DPH7: variants seen among roughly 807,000 people sequenced by gnomAD.
DPH7 encodes the protein diphthine methyltransferase.
Under a neutral mutation model 41.7 loss-of-function variants are expected in DPH7, and 44 were observed. The ratio of observed to expected loss-of-function variants is 1.05; its 90% CI spans 0.83 to 1.36. DPH7 has a LOEUF of 1.36. Ranked by LOEUF, DPH7 falls within the 40% of genes most tolerant of loss-of-function variation. The probability of loss-of-function intolerance (pLI) is 0.00; values close to 1 mark genes in which losing one functional copy is unlikely to be tolerated. For synonymous variants in DPH7, 275 were observed against 238.0 expected, an observed-to-expected ratio of 1.16 and a Z score of -1.43; for missense variants, 629 against 577.5, an observed-to-expected ratio of 1.09 and a Z score of -0.91.
At chr9:137,562,296 G>A (rs948292515) in intron 8 of DPH7, among the ~76,000 whole-genome samples, 4 of 152,152 alleles carry the variant, frequency 2.6e-5, no homozygotes, top group Non-Finnish European at 5.9e-5. Flanking sequence ...ACGTCCGCAA[G>A]TGCACAGGGG....
At chr9:137,570,039 A>G (rs1840153521) in intron 5 of DPH7, among the ~76,000 whole-genome samples, 1 of 147,340 alleles carries the variant, frequency 6.8e-6, no homozygotes, top group South Asian at 2.2e-4. Flanking sequence ...CCATCCAAAA[A>G]TCCACCATCC....
At chr9:137,559,310 G>A (rs1838092511) in intron 8 of DPH7, among the ~76,000 whole-genome samples, 2 of 152,216 alleles carry the variant, frequency 1.3e-5, no homozygotes, top group Admixed American at 6.5e-5. Context: ...TAGCGGTGAC[G>A]CCAGCATCTG....
At chr9:137,576,616 C>T (rs1011474925) in intron 2 of DPH7, among the ~76,000 whole-genome samples, 7 of 152,124 alleles carry the variant, frequency 4.6e-5, no homozygotes, top group Non-Finnish European at 8.8e-5. Flanking sequence ...TAAGGCCAGG[C>T]GTCGTGGCTC....
At chr9:137,571,119 T>C (rs996221124) in intron 5 of DPH7, among the ~76,000 whole-genome samples, 2 of 151,870 alleles carry the variant, frequency 1.3e-5, no homozygotes, top group African/African-American at 4.8e-5. Context: ...GGTCACGCCA[T>C]TGCACTCCAG....
intron 8 of DPH7, 133 bp downstream of exon 8, chr9:137,564,301 G>A (rs575236740): frequency 5.3e-6 from 6 of 1,136,330 alleles, no homozygotes; most frequent in Non-Finnish European, 7.3e-6. Context: ...CGCGACGCTG[G>A]GAGTGTGTAA....
Position 137,564,483 on chromosome 9 carries a change from G to T in DPH7, c.900C>A (p.Ala300=), listed in dbSNP as rs373189839. The T allele has an allele frequency of 1.5e-5, 25 of 1,613,940 alleles. 1 individual carries two copies. Among genetic ancestry groups the T allele is most frequent in the Admixed American group, 5.0e-5 (3 of 59,996 alleles). The stretch of plus-strand genomic sequence containing the variant: ...TCTTAAAGCCACTGTGCATGCAGGC[G>T]GCCAGGAGCAGGTGGTGGTGGAAAG... ...WHPFHHHLLL[A]ACMHSGFKIL... Residue 300 remains alanine, a synonymous_variant, in exon 8 of 9, where the codon GCC becomes GCA. Transcript: ENST00000277540.
In DPH7 at chr9:137,555,341, G is replaced by T; in HGVS notation, c.1257C>A (p.Asp419Glu). The change falls in exon 9 of 9, where the codon GAC (aspartate) becomes GAA (glutamate). Residue 419 changes from aspartate (D) to glutamate (E), a missense_variant. By Grantham distance (45) the Asp-to-Glu change is conservative. Transcript: ENST00000277540. ...WLQATAATTRDCGVNPEEADS... is the reference protein window; with the variant it reads ...WLQATAATTRECGVNPEEADS... ...CTGCTTCTTCTGGGTTCACGCCACA[G>T]TCACGTGTGGTGGCTGCTGTAGCCT... 1 of 1,614,228 alleles carries T rather than the reference G, an allele frequency of 6.2e-7. No individual in the cohort carries two copies. The highest frequency in any genetic ancestry group is 8.5e-7 in the Non-Finnish European group (1 of 1,180,038).
At chr9:137,578,052 T>C in intron 1 of DPH7, 5 of 963,682 alleles carry the variant, frequency 5.2e-6, no homozygotes, top group Non-Finnish European at 6.2e-6. Flanking sequence ...GGGCGGTGGC[T>C]CGTGCCTGTG....
chr9:137,558,358 C>T (rs1252655353), intron 8 of DPH7, among the ~76,000 whole-genome samples: 1 of 152,118 alleles, frequency 6.6e-6, no homozygotes, highest in East Asian at 1.9e-4. Flanking sequence ...GACTCCACCA[C>T]TGCGCTCCCA....
chr9:137,562,580 A>G (rs2132932181), intron 8 of DPH7, among the ~76,000 whole-genome samples: 1 of 152,362 alleles, frequency 6.6e-6, no homozygotes, highest in South Asian at 2.1e-4. Flanking sequence ...AAAATGTATC[A>G]CCATTAATAA....
In DPH7 at chr9:137,576,089, C is replaced by T. The variant is rs767540438; in HGVS notation, c.366G>A (p.Val122=). The T allele has an allele frequency of 6.8e-6, 11 of 1,613,798 alleles. No individual in the cohort carries two copies. Among genetic ancestry groups the T allele is most frequent in the East Asian group, 4.5e-5 (2 of 44,892 alleles). ...AGTGCAAGTCACTGACCTCAGATTC[C>T]ACCAGGCGGAGCAGTTGTATGGATC... ...ASGSIQLLRL[V]ESEKSHVLEP... The change falls in exon 3 of 9, where the codon GTG becomes GTA. Residue 122 remains valine (V), a synonymous_variant. Coordinates refer to ENST00000277540, the MANE Select transcript of DPH7 (RefSeq NM_138778.5).
At chr9:137,575,546 G>A in intron 3 of DPH7, 1 of 992,848 alleles carries the variant, frequency 1.0e-6, no homozygotes, top group Non-Finnish European at 1.2e-6. Context: ...AGCCCCGCCT[G>A]CAGCATCTGC....
Position 137,556,535 on chromosome 9 carries a change from G to T in DPH7, c.950-887C>A, listed in dbSNP as rs991603450. 6.9e-6 allele frequency: 2 copies of T among 288,292 alleles called. No homozygotes were observed. The highest frequency in any genetic ancestry group is 1.4e-5 in the Non-Finnish European group (2 of 144,952). The allele number at this position is 288,292 out of a possible 1,614,324, so 17.9% of individuals were successfully genotyped here. A position where few individuals can be genotyped will look rare whatever the true frequency, so the allele number is the denominator to read the frequency against. Reference sequence around the variant, plus strand: ...ACAGGACCGCACTGGATTACAAAACGTGCCGAGGTTGTATGGGCCTGGGCC... The same window carrying T: ...ACAGGACCGCACTGGATTACAAAACTTGCCGAGGTTGTATGGGCCTGGGCC... On this transcript the variant is annotated intron_variant, in intron 8 of 8. Coordinates refer to ENST00000277540, the MANE Select transcript of DPH7 (RefSeq NM_138778.5). This position sits in a 1 kb window ranked among gnomAD's most constrained non-coding sequence, Gnocchi z 5.2.
At chr9:137,576,217 G>C in intron 2 of DPH7, 50 bp from the exon 3 acceptor site, 4 of 1,529,780 alleles carry the variant, frequency 2.6e-6, no homozygotes, top group Non-Finnish European at 3.6e-6. Flanking sequence ...GAGCACAGGC[G>C]TGCACTGTGC....
chr9:137,578,586 C>CGGCCCCCCCCCCCCCCCCCCCA, intron 1 of DPH7, 39 bp downstream of exon 1: 1 of 1,433,148 alleles, frequency 7.0e-7, no homozygotes, highest in Non-Finnish European at 9.1e-7. Flanking sequence ...ACCTCGTGGC[C>CGGCCCCCCCCCCCCCCCCCCCA]GGCCCCGCCC....
chr9:137,577,391 T>A, intron 2 of DPH7, 79 bp downstream of exon 2: 2 of 1,402,952 alleles, frequency 1.4e-6, no homozygotes, highest in Non-Finnish European at 2.0e-6. Flanking sequence ...GCCTGTCTTG[T>A]TGAAGGCATC....
chr9:137,565,009 A>G (rs1564431897), intron 6 of DPH7, 51 bp from the exon 7 acceptor site: 1 of 1,606,770 alleles, frequency 6.2e-7, no homozygotes, highest in Non-Finnish European at 8.5e-7. Flanking sequence ...AGACCCACCC[A>G]GGGAACGGGA....
chr9:137,574,537 G>T, intron 4 of DPH7, 157 bp from the exon 5 acceptor site: 1 of 870,882 alleles, frequency 1.1e-6, no homozygotes, highest in Non-Finnish European at 1.7e-6. Context: ...TGCTAAGCTT[G>T]TCAAAGACAC....
Position 137,555,499 on chromosome 9 carries a change from G to T in DPH7, c.1099C>A (p.Leu367Met), listed in dbSNP as rs749158800. The change falls in exon 9 of 9, where the codon CTG becomes ATG. Residue 367 changes from leucine to methionine, a missense_variant. Leu to Met is a conservative substitution (Grantham distance 15, BLOSUM62 2). Transcript: ENST00000277540. ...PSNLGTKTAD[L>M]KGASELPTPC... The stretch of plus-strand genomic sequence containing the variant: ...GTTGGCAACTCGCTTGCACCCTTCA[G>T]GTCTGCCGTCTTGGTTCCTAGGTTG... 2.5e-6 allele frequency: 4 copies of T among 1,614,096 alleles called. No homozygotes were observed. The South Asian group carries it at 4.4e-5, about 18-fold the overall frequency.
Sources: allele counts gnomAD v4.1 joint callset (sites outside exome capture counted in the v4.1 genomes callset), GRCh38; gene constraint gnomAD v4.1.1; non-coding constraint Gnocchi (gnomAD v3.1); transcripts MANE v1.5; gene names NCBI Gene and HGNC (gene_info 2026-07-23, HGNC 2026-07-21).